Variants in AGMO observed in about 807,000 individuals in gnomAD.
AGMO encodes alkylglycerol monooxygenase, also known as glyceryl-ether monooxygenase.
In AGMO, 75 loss-of-function variants were observed where a neutral mutation model predicts 60.2. The observed-to-expected ratio is 1.25, with a 90% CI of 1.03 to 1.51. The LOEUF is 1.51. Among genes scored for constraint, AGMO ranks in the 40% most tolerant of loss-of-function variants. The pLI, the probability that AGMO is intolerant of heterozygous loss-of-function variation, is 0.00. For missense variants in AGMO, 763 were observed against 525.5 expected, an observed-to-expected ratio of 1.45 and a Z score of -4.42; for synonymous variants, 261 against 177.1, an observed-to-expected ratio of 1.47 and a Z score of -3.76.
chr7:15,228,410 A>G (rs549231184), intron 12 of AGMO, among the ~76,000 whole-genome samples: 4 of 152,248 alleles, frequency 2.6e-5, no homozygotes, highest in African/African-American at 9.6e-5. Context: ...AGGAGCTTGA[A>G]GGAAGGCAGA....
chr7:15,480,992 CAATT>C (rs1485664611), intron 3 of AGMO, among the ~76,000 whole-genome samples: 7 of 148,828 alleles, frequency 4.7e-5, no homozygotes, highest in South Asian at 4.2e-4. Context: ...TGTTTATACA[CAATT>C]AATGTATAAA....
rs184010696 is a variant in AGMO at position 15,452,464 on chromosome 7, T to G, written c.410-21356A>C. Among the ~76,000 whole-genome samples, 63 of 152,304 alleles carry G rather than the reference T, an allele frequency of 4.1e-4. No homozygotes were observed. In the East Asian group the frequency reaches 0.011, roughly 28 times the overall value. ...TTTATCCAAAGAAGATATACAGATG[T>G]TCAGTAAGCACATAAAAAATGCATA... On this transcript the variant is annotated intron_variant, in intron 3 of 12. Transcript: ENST00000342526.
intron 12 of AGMO, among the ~76,000 whole-genome samples, chr7:15,264,839 T>G (rs1463213704): frequency 6.6e-6 from 1 of 152,038 alleles, no homozygotes; most frequent in East Asian, 1.9e-4. Flanking sequence ...GGTGGGAACA[T>G]AAATTAGTTC....
At chr7:15,205,564 T>C (rs946760893) in intron 12 of AGMO, among the ~76,000 whole-genome samples, 1 of 152,146 alleles carries the variant, frequency 6.6e-6, no homozygotes, top group South Asian at 2.1e-4. Context: ...ACATGTTAAA[T>C]GAGCTAAGTC....
intron 3 of AGMO, among the ~76,000 whole-genome samples, chr7:15,476,880 A>G (rs1023285972): frequency 4.6e-5 from 7 of 152,142 alleles, no homozygotes; most frequent in African/African-American, 1.7e-4. Context: ...ATGGAGAAAC[A>G]GAGATGGTTA....
the AGMO span, among the ~76,000 whole-genome samples, chr7:15,162,296 C>T: frequency 1.7e-4 from 26 of 152,108 alleles, no homozygotes; most frequent in Admixed American, 1.1e-3. Flanking sequence ...TGGACTAATA[C>T]ACCTTTAATA....
At chr7:15,198,236 A>AGAGAGAGAGAGG (rs1781178233), downstream of AGMO, among the ~76,000 whole-genome samples, 19 of 115,770 alleles carry the variant, frequency 1.6e-4, 1 homozygote, top group Non-Finnish European at 3.1e-4. Context: ...AGAGAGAGAG[A>AGAGAGAGAGAGG]GAGAGAGAGA....
chr7:15,262,163 C>T (rs1223611735), intron 12 of AGMO, among the ~76,000 whole-genome samples: 1 of 151,996 alleles, frequency 6.6e-6, no homozygotes, highest in Non-Finnish European at 1.5e-5. Context: ...AAATCAAGGC[C>T]ATCCAAATCA....
rs1336350324 is a variant in AGMO at position 15,322,637 on chromosome 7, T to C, written c.1263+42877A>G. ...AAATATATAAATATATATAAATATA[T>C]ATAAATATATAAATATATATATAAA... On this transcript the variant is annotated intron_variant, in intron 12 of 12. Coordinates refer to ENST00000342526, the MANE Select transcript of AGMO (RefSeq NM_001004320.2). Among the ~76,000 whole-genome samples, 5 of 67,122 alleles carry C rather than the reference T, an allele frequency of 7.4e-5. 1 individual carries two copies. The highest frequency in any genetic ancestry group is 3.8e-4 in the African/African-American group (5 of 13,228). The allele number at this position is 67,122 out of a possible 152,430, so 44.0% of individuals were successfully genotyped here.
In AGMO at chr7:15,494,210, C is replaced by G. The variant is rs1783159676; in HGVS notation, c.409+50562G>C. The stretch of plus-strand genomic sequence containing the variant: ...CAACAAGAAAGGGGCTTTCCGCAGG[C>G]ACTCCTCTACTAAGTTTTAATTTGA... On this transcript the variant is annotated intron_variant, in intron 3 of 12. Transcript: ENST00000342526. Among the ~76,000 whole-genome samples the G allele has an allele frequency of 2.6e-5, 4 of 152,098 alleles. No individual in the cohort carries two copies. The South Asian group carries it at 8.3e-4, about 32-fold the overall frequency.
chr7:15,527,821 A>C (rs1784165370), intron 3 of AGMO, among the ~76,000 whole-genome samples: 1 of 152,046 alleles, frequency 6.6e-6, no homozygotes. Context: ...TGCTAAATGT[A>C]CTCTGCCTGT....
the AGMO span, among the ~76,000 whole-genome samples, chr7:15,119,762 C>T: frequency 6.6e-6 from 1 of 152,058 alleles, no homozygotes; most frequent in Non-Finnish European, 1.5e-5. Context: ...TAACTAGACA[C>T]TTTTTCCCCT....
chr7:15,494,625 G>C (rs564364099), intron 3 of AGMO, among the ~76,000 whole-genome samples: 107 of 152,146 alleles, frequency 7.0e-4, no homozygotes, highest in African/African-American at 2.4e-3. Flanking sequence ...GCTTTAAGTA[G>C]AGAAAAAAAA....
chr7:15,293,091 T>C (rs1784319932), intron 12 of AGMO, among the ~76,000 whole-genome samples: 1 of 152,118 alleles, frequency 6.6e-6, no homozygotes, highest in African/African-American at 2.4e-5. Flanking sequence ...GAGTTGTTTA[T>C]TATTTAGCTT....
intron 5 of AGMO, among the ~76,000 whole-genome samples, chr7:15,417,449 G>T (rs1780804423): frequency 2.0e-5 from 3 of 152,120 alleles, no homozygotes; most frequent in Non-Finnish European, 4.4e-5. Flanking sequence ...ACCTGGAGCA[G>T]AGCTGCTATA....
At chr7:15,394,427 T>G (rs1057458805) in intron 5 of AGMO, among the ~76,000 whole-genome samples, 2 of 152,148 alleles carry the variant, frequency 1.3e-5, no homozygotes, top group African/African-American at 4.8e-5. Context: ...GACTTTCAGT[T>G]CAGCTCCAGG....
chr7:15,475,619 T>C (rs943844490), intron 3 of AGMO, among the ~76,000 whole-genome samples: 1 of 151,962 alleles, frequency 6.6e-6, no homozygotes, highest in African/African-American at 2.4e-5. Flanking sequence ...CAAACCGCCA[T>C]GGCATGTGTA....
chr7:15,279,994 G>A (rs1583358087), intron 12 of AGMO, among the ~76,000 whole-genome samples: 2 of 152,308 alleles, frequency 1.3e-5, no homozygotes, highest in African/African-American at 4.8e-5. Context: ...TCAGGCAGTG[G>A]TCACAGGTTG....
intron 3 of AGMO, among the ~76,000 whole-genome samples, chr7:15,476,221 T>C (rs1782590131): frequency 6.6e-6 from 1 of 152,116 alleles, no homozygotes; most frequent in African/African-American, 2.4e-5. Flanking sequence ...CAGAGGACAT[T>C]AGAAACGGAT....
Sources: gnomAD v4.1 joint callset for allele counts (sites outside exome capture counted in the v4.1 genomes callset) on GRCh38, gnomAD v4.1.1 for gene constraint, MANE v1.5 for transcripts, NCBI Gene and HGNC (gene_info 2026-07-23, HGNC 2026-07-21) for gene names.